The following DNAJC6 variants were observed in gnomAD, a reference collection of about 807,000 sequenced individuals.
DNAJC6 encodes DnaJ heat shock protein family (Hsp40) member C6.
A neutral mutation model predicts 110.0 loss-of-function variants in DNAJC6; 34 were observed. The observed-to-expected ratio is 0.31, with a 90% CI of 0.24 to 0.41. The LOEUF (loss-of-function observed/expected upper bound fraction) is 0.41. DNAJC6 is among the 10% of genes least tolerant of loss of function. The pLI is 1.00. For missense variants in DNAJC6, 1,031 were observed against 1,207.8 expected (o/e 0.85, Z 2.17); for synonymous variants, 406 against 437.2 (o/e 0.93, Z 0.89).
chr1:65,349,091 A>AAT (rs373586825), intron 1 of DNAJC6, among the ~76,000 whole-genome samples: 84,443 of 134,868 alleles, frequency 0.63, 27,273 homozygotes, highest in African/African-American at 0.78. Context: ...TATATATGTA[A>AAT]ATATATATAT....
chr1:65,394,915 T>G lies in DNAJC6; in HGVS notation c.1921T>G (p.Phe641Val). The change falls in exon 13 of 19, where the codon TTT becomes GTT. Residue 641 changes from phenylalanine to valine, a missense_variant. Physicochemically the swap from Phe to Val is conservative, Grantham distance 50. Coordinates refer to ENST00000371069, the MANE Select transcript of DNAJC6 (RefSeq NM_001256864.2). ...TTTTCTAGGTGCCACCTTTGACCCA[T>G]TTGGAGCACCTTCTAAACCATCAGG... ...RVGEGATFDP[F>V]GAPSKPSGQD... The G allele has an allele frequency of 6.2e-7, 1 of 1,603,572 alleles. No individual in the cohort carries two copies. The highest frequency in any genetic ancestry group is 8.5e-7 in the Non-Finnish European group (1 of 1,176,710).
At chr1:65,376,357 A>AT (rs1482227466) in intron 4 of DNAJC6, among the ~76,000 whole-genome samples, 1 of 150,632 alleles carries the variant, frequency 6.6e-6, no homozygotes, top group Non-Finnish European at 1.5e-5. Context: ...TTTTGTCGAA[A>AT]TTTTTTTCTT....
At chr1:65,385,411 G>A (rs1162552886) in intron 6 of DNAJC6, among the ~76,000 whole-genome samples, 1 of 152,000 alleles carries the variant, frequency 6.6e-6, no homozygotes, top group Non-Finnish European at 1.5e-5. Context: ...CTGATAAATT[G>A]GATCTGCTAG....
rs149588872 is a variant in DNAJC6, at chr1:65,384,271, A to G, written c.745A>G (p.Ile249Val). The change falls in exon 6 of 19, where the codon ATT becomes GTT. Residue 249 changes from isoleucine (I) to valine (V), a missense_variant. Physicochemically the swap from Ile to Val is conservative, Grantham distance 29. Transcript: ENST00000371069. ...TCTCTACTCTACTCCTGGCCCAGCC[A>G]TTCGATTGCTATATGCAAAGCGACC... ...CNLYSTPGPA[I>V]RLLYAKRPGI... The G allele has an allele frequency of 9.2e-4, 1,464 of 1,589,712 alleles. 9 individuals are homozygous for G. The African/African-American group carries it at 9.2e-3, about 10-fold the overall frequency.
chr1:65,380,918 T>TG (rs1645813811), intron 5 of DNAJC6, among the ~76,000 whole-genome samples: 2 of 129,638 alleles, frequency 1.5e-5, no homozygotes, highest in South Asian at 2.4e-4. Context: ...TTTGTTTTGT[T>TG]TTGTTTTTTT....
chr1:65,285,572 C>A (rs184267197), intron 1 of DNAJC6, among the ~76,000 whole-genome samples: 186 of 152,310 alleles, frequency 1.2e-3, no homozygotes, highest in African/African-American at 3.9e-3. Context: ...CCTCACCCCC[C>A]CACCAGTGTT....
At chr1:65,386,569 A>G (rs912612591) in intron 7 of DNAJC6, among the ~76,000 whole-genome samples, 4 of 152,236 alleles carry the variant, frequency 2.6e-5, no homozygotes, top group Non-Finnish European at 5.9e-5. Flanking sequence ...CAAAGCAGGC[A>G]TGGGCAATTG....
chr1:65,379,712 C>G, intron 5 of DNAJC6, 188 bp downstream of exon 5: 1 of 819,430 alleles, frequency 1.2e-6, no homozygotes, highest in South Asian at 1.9e-5. Flanking sequence ...AGCTTGACTA[C>G]TAGTGGGAAA....
intron 1 of DNAJC6, among the ~76,000 whole-genome samples, chr1:65,346,442 A>G (rs1286267657): frequency 6.6e-6 from 1 of 152,002 alleles, no homozygotes; most frequent in Non-Finnish European, 1.5e-5. Flanking sequence ...ATTTGGTAAA[A>G]GTTCTTACTT....
rs1013663146 is a variant in DNAJC6, at chr1:65,349,042, G to GCATATATAAAAATATATATGTAAATA, written c.194-15566_194-15541dup. On this transcript the variant is annotated intron_variant, in intron 1 of 18. Transcript: ENST00000371069. Reference sequence around the variant, plus strand: ...TGAATACATATAAATATATGTAAATGCATATATAAAAATATATATGTAAAT... The same window carrying GCATATATAAAAATATATATGTAAATA: ...TGAATACATATAAATATATGTAAATGCATATATAAAAATATATATGTAAATACATATATAAAAATATATATGTAAAT... Among the ~76,000 whole-genome samples the GCATATATAAAAATATATATGTAAATA allele has an allele frequency of 2.1e-4, 29 of 136,720 alleles. No homozygotes were observed. The East Asian group carries it at 3.4e-3, about 16-fold the overall frequency. 89.7% of individuals were successfully genotyped at this position (136,720 alleles called of 152,430 possible).
intron 4 of DNAJC6, among the ~76,000 whole-genome samples, chr1:65,367,065 C>T (rs1050721230): frequency 1.3e-5 from 2 of 152,084 alleles, no homozygotes; most frequent in Non-Finnish European, 2.9e-5. Context: ...GGTGTACATG[C>T]TTTATATGGC....
chr1:65,403,595 A>T (rs1213923837), intron 15 of DNAJC6, among the ~76,000 whole-genome samples: 1 of 152,200 alleles, frequency 6.6e-6, no homozygotes, highest in African/African-American at 2.4e-5. Context: ...AATATCCGCT[A>T]CTGTAGGGGC....
At chr1:65,289,832 C>G (rs1460817884) in intron 1 of DNAJC6, among the ~76,000 whole-genome samples, 1 of 146,280 alleles carries the variant, frequency 6.8e-6, no homozygotes, top group African/African-American at 2.5e-5. Flanking sequence ...TTTTTTGAGA[C>G]AGAGTTTCAT....
upstream of DNAJC6, among the ~76,000 whole-genome samples, chr1:65,307,845 C>T (rs1054983825): frequency 6.6e-6 from 1 of 152,092 alleles, no homozygotes; most frequent in Non-Finnish European, 1.5e-5. Context: ...TTCCTGCCAC[C>T]ATTCAGATTG....
intron 1 of DNAJC6, among the ~76,000 whole-genome samples, chr1:65,296,112 C>G (rs1644926446): frequency 1.3e-5 from 2 of 152,210 alleles, no homozygotes; most frequent in South Asian, 4.2e-4. Context: ...TAGTCTATAC[C>G]ACATGGGCAT....
chr1:65,303,307 A>G (rs1645006592), intron 1 of DNAJC6, among the ~76,000 whole-genome samples: 1 of 152,226 alleles, frequency 6.6e-6, no homozygotes, highest in Non-Finnish European at 1.5e-5. Flanking sequence ...TGAATAATAA[A>G]TTGACAAATA....
intron 17 of DNAJC6, 26 bp from the exon 18 acceptor site, chr1:65,411,223 AT>A (rs749427835): frequency 6.3e-7 from 1 of 1,598,170 alleles, no homozygotes; most frequent in Non-Finnish European, 8.6e-7. Flanking sequence ...AAGCATTTGA[AT>A]TTCTTAATCC....
intron 11 of DNAJC6, 23 bp from the exon 12 acceptor site, chr1:65,392,408 T>C: frequency 2.6e-6 from 4 of 1,553,352 alleles, no homozygotes; most frequent in Non-Finnish European, 3.5e-6. Flanking sequence ...ACTAATCTCT[T>C]ATGGTATACT....
chr1:65,335,669 C>A (rs7515346), intron 1 of DNAJC6, among the ~76,000 whole-genome samples: 3,269 of 152,040 alleles, frequency 0.022, 126 homozygotes, highest in African/African-American at 0.076. Flanking sequence ...GTTGAATAGA[C>A]GAGTAGTGTG....
Sources: allele counts gnomAD v4.1 joint callset (sites outside exome capture counted in the v4.1 genomes callset), GRCh38; gene constraint gnomAD v4.1.1; transcripts MANE v1.5; gene names NCBI Gene and HGNC (gene_info 2026-07-23, HGNC 2026-07-21).